ZNF263: variants seen among roughly 807,000 people sequenced by gnomAD.
The protein encoded by ZNF263 is zinc finger protein 263, also known as zinc finger protein FPM315.
A neutral mutation model predicts 63.1 loss-of-function variants in ZNF263; 49 were observed. That is an observed-to-expected ratio of 0.78 (90% CI 0.62 to 0.99). ZNF263 has a LOEUF of 0.99. ZNF263 is among the 50% of genes least tolerant of loss of function. ZNF263 has a pLI of 0.00. For synonymous variants in ZNF263, 352 were observed against 324.2 expected (o/e 1.09, Z -0.92); for missense variants, 872 against 854.8 (o/e 1.02, Z -0.25).
chr16:3,283,547 C>CTCTA lies in ZNF263; in HGVS notation c.-270_-267dup, dbSNP rs1567248003. ...CAGAGGTCTGAGTCTTGCGTGGGTC[C>CTCTA]TCTATATAGGGTGAGAAGCGTGGCG... On this transcript the variant is annotated 5_prime_UTR_variant, in exon 1 of 6. Coordinates refer to ENST00000219069, the MANE Select transcript of ZNF263 (RefSeq NM_005741.5). 3 of 305,144 alleles carry CTCTA rather than the reference C, an allele frequency of 9.8e-6. No homozygotes were observed. The allele number at this position is 305,144 out of a possible 1,614,324, so 18.9% of individuals were successfully genotyped here.
At chr16:3,300,952 T>G (rs1215401551) in exon 3 of ZNF263, 2 of 218,448 alleles carry the variant, frequency 9.2e-6, no homozygotes, top group African/African-American at 4.7e-5. Context: ...AATACCTGCA[T>G]ACTTTCCCTA....
chr16:3,290,850 G>T lies in ZNF263; in HGVS notation c.*292G>T. On this transcript the variant is annotated 3_prime_UTR_variant, in exon 6 of 6. Coordinates refer to ENST00000219069, the MANE Select transcript of ZNF263 (RefSeq NM_005741.5). The stretch of plus-strand genomic sequence containing the variant: ...CCCTCTTGGTCTTTTTAAAGCCAAG[G>T]TGCGATTTGGGCACCTGACTGTCCA... 8.9e-7 allele frequency: 1 copy of T among 1,129,398 alleles called. No individual in the cohort carries two copies. Among genetic ancestry groups the T allele is most frequent in the African/African-American group, 1.6e-5 (1 of 62,632 alleles). 70.0% of individuals were successfully genotyped at this position (1,129,398 alleles called of 1,614,324 possible). A position where few individuals can be genotyped will look rare whatever the true frequency, so the allele number is the denominator to read the frequency against.
intron 1 of ZNF263, among the ~76,000 whole-genome samples, chr16:3,297,694 G>A (rs1438286226): frequency 6.6e-6 from 1 of 151,858 alleles, no homozygotes; most frequent in East Asian, 1.9e-4. Context: ...TCGATCTCCT[G>A]ACCTCGTGAT....
intron 1 of ZNF263, among the ~76,000 whole-genome samples, chr16:3,297,453 ATTCTTT>A (rs2150777784): frequency 8.0e-6 from 1 of 125,000 alleles, no homozygotes; most frequent in African/African-American, 3.0e-5. Context: ...TCAGAAACAG[ATTCTTT>A]TTTTTTTTTT....
At chr16:3,296,255 G>T (rs948131550), downstream of ZNF263, among the ~76,000 whole-genome samples, 1 of 152,136 alleles carries the variant, frequency 6.6e-6, no homozygotes, top group Non-Finnish European at 1.5e-5. Context: ...CAGAATCAAT[G>T]AGTACTTTTG....
Position 3,285,067 on chromosome 16 carries a change from C to A in ZNF263, c.396C>A (p.Asn132Lys). The change falls in exon 2 of 6, where the codon AAC (asparagine) becomes AAA (lysine). Residue 132 changes from asparagine to lysine, a missense_variant. Transcript: ENST00000219069. ...ELGRLRQQVT[N>K]HGRGTEVLLE... The stretch of plus-strand genomic sequence containing the variant: ...TGTGGGTTGGTTCCCAGGTCACAAA[C>A]CATGGGCGGGGAACAGAAGTGCTTT... 6.2e-7 allele frequency: 1 copy of A among 1,614,132 alleles called. No homozygotes were observed. The highest frequency in any genetic ancestry group is 8.5e-7 in the Non-Finnish European group (1 of 1,180,028).
rs1959326759 is a variant in ZNF263, at chr16:3,285,766, G to C, written c.642+12G>C. Reference sequence around the variant, plus strand: ...TGACTGGGCCCCAGGTGATGTGGAAGTTTCCATTGTCTCCCCCCAGCACCC... The same window carrying C: ...TGACTGGGCCCCAGGTGATGTGGAACTTTCCATTGTCTCCCCCCAGCACCC... On this transcript the variant is annotated intron_variant, in intron 3 of 5. Transcript: ENST00000219069. 1 of 1,613,846 alleles carries C rather than the reference G, an allele frequency of 6.2e-7. No homozygotes were observed. Among genetic ancestry groups the C allele is most frequent in the African/African-American group, 1.3e-5 (1 of 74,932 alleles).
chr16:3,286,774 T>C (rs1231708320), intron 4 of ZNF263: 1 of 152,198 alleles, frequency 6.6e-6, no homozygotes, highest in African/African-American at 2.4e-5. Flanking sequence ...CAGACTGACA[T>C]ATAGTTGGAT....
rs1959322300 is a variant in ZNF263, at chr16:3,285,669, T to C, written c.569-12T>C. 1 of 1,613,778 alleles carries C rather than the reference T, an allele frequency of 6.2e-7. No individual in the cohort carries two copies. Among genetic ancestry groups the C allele is most frequent in the Non-Finnish European group, 8.5e-7 (1 of 1,179,672 alleles). ...GGAATGCCATTCTCATTATAATTTC[T>C]GTCACCTTCAGCATTATCTGCTCCC... On this transcript the variant is annotated splice_polypyrimidine_tract_variant and intron_variant, in intron 2 of 5. Transcript: ENST00000219069.
intron 5 of ZNF263, 109 bp downstream of exon 5, chr16:3,288,679 C>A: frequency 1.4e-6 from 1 of 701,244 alleles, no homozygotes; most frequent in Non-Finnish European, 2.4e-6. Flanking sequence ...GAGTGGCACT[C>A]TTGTTGCCCA....
At position 3,283,640 on chromosome 16, in the gene ZNF263, CCGA is replaced by C. The variant is rs1393838973; in HGVS notation, c.-177_-175del. 2.4e-5 allele frequency: 24 copies of C among 1,013,162 alleles called. No homozygotes were observed. Among genetic ancestry groups the C allele is most frequent in the South Asian group, 7.4e-5 (2 of 26,916 alleles). The allele number at this position is 1,013,162 out of a possible 1,614,324, so 62.8% of individuals were successfully genotyped here. A position where few individuals can be genotyped will look rare whatever the true frequency, so the allele number is the denominator to read the frequency against. On this transcript the variant is annotated 5_prime_UTR_variant, in exon 1 of 6. Coordinates refer to ENST00000219069, the MANE Select transcript of ZNF263 (RefSeq NM_005741.5). ...GGGGCCGGCGTGGCGGCGCCTGGGA[CCGA>C]CTGAGGCCTAGGCGCCGGAGCCGGC...
downstream of ZNF263, among the ~76,000 whole-genome samples, chr16:3,295,823 G>A (rs1959730661): frequency 6.6e-6 from 1 of 152,262 alleles, no homozygotes; most frequent in Non-Finnish European, 1.5e-5. Flanking sequence ...TGAGGACGAA[G>A]AGTGGAGAGG....
intron 2 of ZNF263, among the ~76,000 whole-genome samples, chr16:3,285,480 G>A (rs1434187297): frequency 6.6e-6 from 1 of 152,134 alleles, no homozygotes; most frequent in Non-Finnish European, 1.5e-5. Context: ...CTTGAATGAC[G>A]CAGGGTTTGG....
chr16:3,297,585 C>T (rs1959793941), intron 1 of ZNF263, among the ~76,000 whole-genome samples: 1 of 150,750 alleles, frequency 6.6e-6, no homozygotes, highest in Admixed American at 6.6e-5. Flanking sequence ...CTGTCTCAGC[C>T]TCCCGAGTAG....
chr16:3,290,488 G>A lies in ZNF263; in HGVS notation c.1982G>A (p.Cys661Tyr), dbSNP rs1959573581. 6.2e-7 allele frequency: 1 copy of A among 1,614,048 alleles called. No homozygotes were observed. The highest frequency in any genetic ancestry group is 1.3e-5 in the African/African-American group (1 of 75,014). Residue 661 changes from cysteine (C) to tyrosine (Y), a missense_variant, in exon 6 of 6, where the codon TGT (cysteine) becomes TAT (tyrosine). Coordinates refer to ENST00000219069, the MANE Select transcript of ZNF263 (RefSeq NM_005741.5). Reference protein sequence around the residue: ...RTHTGERPYKCSECGESFSRS... With the variant: ...RTHTGERPYKYSECGESFSRS... The stretch of plus-strand genomic sequence containing the variant: ...CATACGGGAGAGAGACCCTATAAAT[G>A]TTCTGAATGTGGAGAAAGCTTCTCT...
chr16:3,289,648 C>T lies in ZNF263; in HGVS notation c.1142C>T (p.Pro381Leu), dbSNP rs746994545. The T allele has an allele frequency of 1.9e-6, 3 of 1,614,084 alleles. No homozygotes were observed. The highest frequency in any genetic ancestry group is 2.5e-6 in the Non-Finnish European group (3 of 1,180,048). The change falls in exon 6 of 6, where the codon CCC becomes CTC. Residue 381 changes from proline (P) to leucine (L), a missense_variant. Coordinates refer to ENST00000219069, the MANE Select transcript of ZNF263 (RefSeq NM_005741.5). ...CAGCCAAAGAAACTCCATTTATGTC[C>T]CTTGTGTGGCAAAAATTTCTCTAAC... ...ELQPKKLHLC[P>L]LCGKNFSNNS...
chr16:3,300,127 A>G, intron 2 of ZNF263: 1 of 1,614,232 alleles, frequency 6.2e-7, no homozygotes, highest in Non-Finnish European at 8.5e-7. Context: ...CTCTTTGATT[A>G]TCATGGACAG....
downstream of ZNF263, chr16:3,293,486 T>A (rs1264188041): frequency 4.6e-5 from 7 of 152,266 alleles, no homozygotes; most frequent in Non-Finnish European, 7.3e-5. Context: ...TTCACATTAA[T>A]ACTTTGCCCA....
At chr16:3,284,645 T>C (rs910006175) in intron 1 of ZNF263, among the ~76,000 whole-genome samples, 21 of 152,226 alleles carry the variant, frequency 1.4e-4, no homozygotes, top group African/African-American at 4.8e-4. Context: ...CCTGTTGTTA[T>C]GTTAGGGTCC....
Sources: gnomAD v4.1 joint callset for allele counts (sites outside exome capture counted in the v4.1 genomes callset) on GRCh38, gnomAD v4.1.1 for gene constraint, MANE v1.5 for transcripts, NCBI Gene and HGNC (gene_info 2026-07-23, HGNC 2026-07-21) for gene names.